FGF14: variants seen among roughly 807,000 people sequenced by gnomAD.
FGF14 encodes the protein fibroblast growth factor homologous factor 4.
A neutral mutation model predicts 25.5 loss-of-function variants in FGF14; 5 were observed. The ratio of observed to expected loss-of-function variants is 0.20; its 90% confidence interval spans 0.10 to 0.41. The LOEUF is 0.41. Ranked by LOEUF, FGF14 falls within the 10% of genes least tolerant of loss-of-function variation. The pLI is 1.00. For synonymous variants in FGF14, 138 were observed against 118.3 expected, an observed-to-expected ratio of 1.17 and a Z score of -1.08; for missense variants, 222 against 320.1, an observed-to-expected ratio of 0.69 and a Z score of 2.34.
rs9585758 is a variant in FGF14, at chr13:101,711,450, G to T, written c.*11381C>A. On this transcript the variant is annotated 3_prime_UTR_variant, in exon 5 of 5. Transcript: ENST00000376143. Reference sequence around the variant, plus strand: ...TGCTTCACAAAATCGGCCTCAGCCTGGTGTTCAAGTTGCCTCGCTCAATAT... The same window carrying T: ...TGCTTCACAAAATCGGCCTCAGCCTTGTGTTCAAGTTGCCTCGCTCAATAT... 0.098 allele frequency: 14,890 copies of T among 152,310 alleles called. 944 individuals are homozygous for T. Among genetic ancestry groups the T allele is most frequent in the African/African-American group, 0.18 (7,481 of 41,508 alleles). 9.4% of individuals were successfully genotyped at this position (152,310 alleles called of 1,614,324 possible).
chr13:101,975,987 C>A (rs1376689644), intron 1 of FGF14, among the ~76,000 whole-genome samples: 2 of 152,200 alleles, frequency 1.3e-5, no homozygotes, highest in East Asian at 1.9e-4. Context: ...GAACCTTAAG[C>A]ATTTGCCTGC....
rs1344932200 is a variant in FGF14, at chr13:102,161,698, A to T, written c.208+239773T>A. The stretch of plus-strand genomic sequence containing the variant: ...GAAGAAGAAGAAGAAGAAGAAGAAG[A>T]AGAAGAAGAAGAAGAAGAAGAAGAA... On this transcript the variant is annotated intron_variant, in intron 1 of 4. Transcript: ENST00000376131. Among the ~76,000 whole-genome samples the T allele has an allele frequency of 3.9e-4, 54 of 139,118 alleles. 2 individuals carry two copies. Among genetic ancestry groups the T allele is most frequent in the African/African-American group, 1.1e-3 (41 of 38,296 alleles). 91.3% of individuals were successfully genotyped at this position (139,118 alleles called of 152,430 possible). A position where few individuals can be genotyped will look rare whatever the true frequency, so the allele number is the denominator to read the frequency against.
chr13:102,035,083 G>A (rs959858539), intron 1 of FGF14, among the ~76,000 whole-genome samples: 7 of 152,020 alleles, frequency 4.6e-5, no homozygotes, highest in South Asian at 4.2e-4. Context: ...GAAATAATAC[G>A]GAGAAATCAA....
At chr13:101,844,337 A>C (rs902763316) in intron 3 of FGF14, among the ~76,000 whole-genome samples, 1 of 152,056 alleles carries the variant, frequency 6.6e-6, no homozygotes, top group Non-Finnish European at 1.5e-5. Context: ...TCAACCTCAC[A>C]AGACACCATT....
intron 1 of FGF14, among the ~76,000 whole-genome samples, chr13:102,037,811 G>T (rs563658866): frequency 4.6e-5 from 7 of 152,082 alleles, no homozygotes; most frequent in Admixed American, 6.6e-5. Flanking sequence ...CTGTCCTCAG[G>T]CTTGATAGAC....
At chr13:102,072,277 C>T (rs1053065804) in intron 1 of FGF14, among the ~76,000 whole-genome samples, 2 of 152,110 alleles carry the variant, frequency 1.3e-5, no homozygotes, top group Non-Finnish European at 2.9e-5. Flanking sequence ...AAAATTGGGT[C>T]ATTGATTTAC....
intron 3 of FGF14, among the ~76,000 whole-genome samples, chr13:101,794,930 C>G (rs1367104199): frequency 1.3e-5 from 2 of 152,108 alleles, no homozygotes; most frequent in African/African-American, 4.8e-5. Flanking sequence ...GATGGTGAAA[C>G]TCTTTAGAAC....
chr13:101,731,921 C>G (rs543184273), intron 3 of FGF14, among the ~76,000 whole-genome samples: 2 of 152,316 alleles, frequency 1.3e-5, no homozygotes, highest in African/African-American at 4.8e-5. Flanking sequence ...TTATGGCTCA[C>G]AAAACCTAAA....
intron 1 of FGF14, among the ~76,000 whole-genome samples, chr13:101,986,484 T>G (rs1430496741): frequency 6.6e-6 from 1 of 152,094 alleles, no homozygotes; most frequent in African/African-American, 2.4e-5. Context: ...AATACTGATG[T>G]TTGATTAAAT....
intron 1 of FGF14, among the ~76,000 whole-genome samples, chr13:102,144,256 C>T (rs12856872): frequency 0.058 from 8,801 of 152,184 alleles, 877 homozygotes; most frequent in East Asian, 0.49. Flanking sequence ...TAAAAATCCA[C>T]ACCAAGCATA....
Position 101,960,567 on chromosome 13 carries a change from C to A in FGF14, c.209-85271G>T, listed in dbSNP as rs557731036. ...AAAGTTTTCCATAGTGTATATGTAC[C>A]ACATTTTCTTTATCTAGTCCATCAC... On this transcript the variant is annotated intron_variant, in intron 1 of 4. Transcript: ENST00000376131. Among the ~76,000 whole-genome samples, 5 of 152,226 alleles carry A rather than the reference C, an allele frequency of 3.3e-5. No individual in the cohort carries two copies. In the East Asian group the frequency reaches 9.6e-4, roughly 29 times the overall value.
chr13:102,275,262 T>TCTTTCTCTCTCTCTCTC (rs1555391875), intron 1 of FGF14, among the ~76,000 whole-genome samples: 1 of 68,916 alleles, frequency 1.5e-5, no homozygotes, highest in African/African-American at 5.0e-5. Context: ...CTCTCTCTCT[T>TCTTTCTCTCTCTCTCTC]TCTCTCTCTC....
At chr13:101,847,376 T>C (rs1005798126) in intron 3 of FGF14, among the ~76,000 whole-genome samples, 3 of 152,102 alleles carry the variant, frequency 2.0e-5, no homozygotes, top group Admixed American at 6.6e-5. Context: ...CTCTCTTATA[T>C]GAGCTATAGG....
chr13:102,318,244 T>C (rs1040183866), intron 1 of FGF14, among the ~76,000 whole-genome samples: 1 of 152,150 alleles, frequency 6.6e-6, no homozygotes, highest in Non-Finnish European at 1.5e-5. Flanking sequence ...GTTTGAAATC[T>C]ACTCACATAG....
intron 3 of FGF14, among the ~76,000 whole-genome samples, chr13:101,815,177 G>A (rs2041779685): frequency 6.6e-6 from 1 of 152,180 alleles, no homozygotes; most frequent in Admixed American, 6.6e-5. Context: ...AGAAAAGATG[G>A]GAGTCTACAG....
chr13:101,751,940 C>A (rs559019165), intron 3 of FGF14, among the ~76,000 whole-genome samples: 1 of 151,716 alleles, frequency 6.6e-6, no homozygotes, highest in Non-Finnish European at 1.5e-5. Flanking sequence ...AACAAACAAA[C>A]AAACAAAAAA....
chr13:101,845,288 T>TA (rs2043396934), intron 3 of FGF14, among the ~76,000 whole-genome samples: 1 of 152,020 alleles, frequency 6.6e-6, no homozygotes, highest in Non-Finnish European at 1.5e-5. Context: ...ATGTTTTGCT[T>TA]AAAAACTCTT....
At chr13:102,284,511 T>C (rs1266068120) in intron 1 of FGF14, among the ~76,000 whole-genome samples, 2 of 151,906 alleles carry the variant, frequency 1.3e-5, no homozygotes, top group African/African-American at 2.4e-5. Flanking sequence ...CATTAAAAAA[T>C]GAAAAAAATA....
intron 1 of FGF14, among the ~76,000 whole-genome samples, chr13:102,378,446 T>C (rs1398261371): frequency 6.6e-6 from 1 of 152,174 alleles, no homozygotes; most frequent in African/African-American, 2.4e-5. Flanking sequence ...TTTAAAATAC[T>C]ATACAAATAA....
Sources: allele counts gnomAD v4.1 joint callset (sites outside exome capture counted in the v4.1 genomes callset), GRCh38; gene constraint gnomAD v4.1.1; transcripts MANE v1.5; gene names NCBI Gene and HGNC (gene_info 2026-07-23, HGNC 2026-07-21).